The following HPSE2 variants were observed in gnomAD, a reference collection of about 807,000 sequenced individuals.
HPSE2 encodes inactive heparanase-2.
In HPSE2, 38 loss-of-function variants were observed where a neutral mutation model predicts 60.5. The observed-to-expected ratio is 0.63, with a 90% CI of 0.48 to 0.82. HPSE2 has a LOEUF of 0.82. Ranked by LOEUF, HPSE2 falls within the 40% of genes least tolerant of loss-of-function variation. HPSE2 has a pLI of 0.00. For missense variants in HPSE2, 713 were observed against 740.4 expected, an observed-to-expected ratio of 0.96 and a Z score of 0.43; for synonymous variants, 295 against 293.2, an observed-to-expected ratio of 1.01 and a Z score of -0.06.
chr10:98,986,212 C>T (rs1274599799), intron 3 of HPSE2, among the ~76,000 whole-genome samples: 11 of 152,174 alleles, frequency 7.2e-5, no homozygotes, highest in Admixed American at 3.3e-4. Context: ...CCACACCACA[C>T]CTATTCCAAA....
At chr10:99,185,629 C>G (rs112128165) in intron 2 of HPSE2, among the ~76,000 whole-genome samples, 4,172 of 151,820 alleles carry the variant, frequency 0.027, 189 homozygotes, top group African/African-American at 0.095. Flanking sequence ...AAAAAATTAG[C>G]CGGGCGTAGT....
chr10:99,172,353 A>G (rs865923010), intron 2 of HPSE2, among the ~76,000 whole-genome samples: 9 of 152,132 alleles, frequency 5.9e-5, no homozygotes, highest in Non-Finnish European at 1.3e-4. Context: ...GCCTCAGGGG[A>G]CCTACAGAGC....
intron 3 of HPSE2, among the ~76,000 whole-genome samples, chr10:98,992,292 T>C (rs895280087): frequency 1.3e-5 from 2 of 152,210 alleles, no homozygotes; most frequent in Admixed American, 6.5e-5. Context: ...ATAATTTAAA[T>C]AGTTGTTTTT....
At chr10:98,991,453 C>A (rs1006781227) in intron 3 of HPSE2, among the ~76,000 whole-genome samples, 2 of 151,992 alleles carry the variant, frequency 1.3e-5, no homozygotes, top group African/African-American at 4.8e-5. Flanking sequence ...GTAAAGAGGC[C>A]AATGAATATA....
intron 3 of HPSE2, among the ~76,000 whole-genome samples, chr10:98,747,962 C>T (rs922913453): frequency 2.0e-5 from 3 of 151,928 alleles, no homozygotes; most frequent in African/African-American, 7.3e-5. Flanking sequence ...ATAAAAGTGG[C>T]CTATAAGAAG....
intron 6 of HPSE2, among the ~76,000 whole-genome samples, chr10:98,653,845 T>G (rs1946986103): frequency 6.6e-6 from 1 of 152,182 alleles, no homozygotes; most frequent in African/African-American, 2.4e-5. Context: ...TATATCACAT[T>G]CTTTCTACCT....
chr10:98,590,350 G>A (rs942326734), intron 9 of HPSE2, among the ~76,000 whole-genome samples: 9 of 152,240 alleles, frequency 5.9e-5, no homozygotes, highest in Admixed American at 5.9e-4. Flanking sequence ...GCTGAGGCAG[G>A]AGAATGGTGT....
chr10:99,201,690 G>A (rs1336632372), intron 2 of HPSE2, among the ~76,000 whole-genome samples: 2 of 152,090 alleles, frequency 1.3e-5, no homozygotes, highest in African/African-American at 4.8e-5. Context: ...GGCACTTTGT[G>A]AAACACAAAC....
chr10:98,798,307 C>T (rs1950827300), intron 3 of HPSE2, among the ~76,000 whole-genome samples: 1 of 152,178 alleles, frequency 6.6e-6, no homozygotes, highest in Admixed American at 6.5e-5. Context: ...ACCACCACAC[C>T]TGTCTTACAA....
chr10:99,197,137 G>T (rs60830818), intron 2 of HPSE2, among the ~76,000 whole-genome samples: 3,165 of 152,220 alleles, frequency 0.021, 113 homozygotes, highest in East Asian at 0.16. Context: ...GACAAACATT[G>T]CATGTTCTCA....
intron 3 of HPSE2, among the ~76,000 whole-genome samples, chr10:99,041,253 A>G (rs1316577628): frequency 6.6e-6 from 1 of 152,062 alleles, no homozygotes; most frequent in Non-Finnish European, 1.5e-5. Context: ...AGGCTCTTCA[A>G]GTGGATCATC....
At chr10:98,737,011 GA>G (rs1949374956) in intron 4 of HPSE2, among the ~76,000 whole-genome samples, 1 of 152,282 alleles carries the variant, frequency 6.6e-6, no homozygotes, top group African/African-American at 2.4e-5. Flanking sequence ...AAGCAGACAG[GA>G]AGAGAAAACT....
chr10:99,046,017 TGGCA>T (rs1432800842), intron 3 of HPSE2, among the ~76,000 whole-genome samples: 1 of 152,050 alleles, frequency 6.6e-6, no homozygotes, highest in Non-Finnish European at 1.5e-5. Flanking sequence ...TACCAAAGCC[TGGCA>T]GGAACACAGT....
intron 3 of HPSE2, among the ~76,000 whole-genome samples, chr10:98,763,118 A>T (rs539090497): frequency 4.5e-4 from 68 of 151,168 alleles, no homozygotes; most frequent in Non-Finnish European, 6.1e-4. Context: ...AAATCAATAA[A>T]CTTAAAGATA....
chr10:99,291,985 CA>C, the HPSE2 span, among the ~76,000 whole-genome samples: 1 of 152,094 alleles, frequency 6.6e-6, no homozygotes, highest in Non-Finnish European at 1.5e-5. Context: ...CAGTTTTTGG[CA>C]AGCTCCATTC....
intron 9 of HPSE2, among the ~76,000 whole-genome samples, chr10:98,526,954 G>C (rs779670383): frequency 1.3e-5 from 2 of 151,978 alleles, no homozygotes; most frequent in Non-Finnish European, 2.9e-5. Flanking sequence ...TTTTTAAAGG[G>C]ACCTCAAACC....
chr10:98,920,325 T>A (rs1353481196), intron 3 of HPSE2, among the ~76,000 whole-genome samples: 1 of 152,130 alleles, frequency 6.6e-6, no homozygotes, highest in African/African-American at 2.4e-5. Flanking sequence ...ATATCAGACC[T>A]GCATCACTGG....
intron 9 of HPSE2, among the ~76,000 whole-genome samples, chr10:98,498,599 C>T (rs1340415520): frequency 2.0e-5 from 3 of 152,060 alleles, no homozygotes; most frequent in African/African-American, 7.3e-5. Context: ...CCCTTTAACA[C>T]CCCCAAAAAA....
chr10:99,143,996 G>A (rs904745345), intron 3 of HPSE2, among the ~76,000 whole-genome samples: 6 of 152,150 alleles, frequency 3.9e-5, no homozygotes, highest in Admixed American at 6.5e-5. Context: ...TTAGAAAGTC[G>A]TATTTTTAAA....
Sources: gnomAD v4.1 joint callset for allele counts (sites outside exome capture counted in the v4.1 genomes callset) on GRCh38, gnomAD v4.1.1 for gene constraint, MANE v1.5 for transcripts, NCBI Gene and HGNC (gene_info 2026-07-23, HGNC 2026-07-21) for gene names.